Variants in EXOC2 observed in about 807,000 individuals in gnomAD.
EXOC2 encodes exocyst complex component 2.
A neutral mutation model predicts 131.8 loss-of-function variants in EXOC2; 70 were observed. The ratio of observed to expected loss-of-function variants is 0.53; its 90% CI spans 0.44 to 0.65. EXOC2 has a LOEUF of 0.65. EXOC2 is among the 30% of genes least tolerant of loss of function. EXOC2 has a pLI of 0.00. For missense variants in EXOC2, 923 were observed against 1,108.6 expected (o/e 0.83, Z 2.38); for synonymous variants, 411 against 398.4 (o/e 1.03, Z -0.38).
chr6:517,383 A>C (rs1765219179), intron 23 of EXOC2, among the ~76,000 whole-genome samples: 1 of 152,182 alleles, frequency 6.6e-6, no homozygotes, highest in Admixed American at 6.5e-5. Context: ...TCATCAAATT[A>C]TGTTTACATC....
chr6:505,433 T>C (rs1000692323), intron 23 of EXOC2, among the ~76,000 whole-genome samples: 1 of 152,178 alleles, frequency 6.6e-6, no homozygotes, highest in African/African-American at 2.4e-5. Flanking sequence ...CATTACTGAG[T>C]AGTCACCTGG....
At chr6:612,572 T>C (rs1370599004) in intron 6 of EXOC2, among the ~76,000 whole-genome samples, 1 of 152,166 alleles carries the variant, frequency 6.6e-6, no homozygotes, top group Non-Finnish European at 1.5e-5. Flanking sequence ...GTAAAATAAT[T>C]GCAACTATTA....
At chr6:617,661 G>C in intron 6 of EXOC2, 50 bp downstream of exon 6, 1 of 1,589,360 alleles carries the variant, frequency 6.3e-7, no homozygotes, top group African/African-American at 1.3e-5. Context: ...AGGCAGTGCC[G>C]GGTTTCCATG....
At chr6:676,813 T>C (rs1258817222) in intron 1 of EXOC2, among the ~76,000 whole-genome samples, 2 of 93,414 alleles carry the variant, frequency 2.1e-5, no homozygotes, top group Non-Finnish European at 4.9e-5. Flanking sequence ...CTCTTCAACA[T>C]TACGGAAAGG....
intron 23 of EXOC2, among the ~76,000 whole-genome samples, chr6:500,875 C>T (rs1295812441): frequency 4.6e-5 from 7 of 151,614 alleles, no homozygotes; most frequent in Admixed American, 1.3e-4. Flanking sequence ...GAACTATAAT[C>T]AACCTTTTGA....
chr6:536,078 T>C (rs992039244), intron 22 of EXOC2, among the ~76,000 whole-genome samples: 1 of 152,092 alleles, frequency 6.6e-6, no homozygotes, highest in African/African-American at 2.4e-5. Flanking sequence ...ATGGTACAAA[T>C]ATAGAGTGCT....
intron 1 of EXOC2, among the ~76,000 whole-genome samples, chr6:676,013 C>G (rs6907957): frequency 2.0e-5 from 2 of 99,496 alleles, no homozygotes; most frequent in Non-Finnish European, 2.1e-5. Flanking sequence ...GAAAGGACAG[C>G]CTCCTCTGGC....
intron 11 of EXOC2, among the ~76,000 whole-genome samples, chr6:581,574 T>C (rs1758906870): frequency 6.6e-6 from 1 of 152,272 alleles, no homozygotes; most frequent in South Asian, 2.1e-4. Flanking sequence ...CTATGTGATA[T>C]TTGCAGGAAA....
chr6:626,266 T>C (rs1452908818), intron 4 of EXOC2, among the ~76,000 whole-genome samples: 4 of 152,168 alleles, frequency 2.6e-5, no homozygotes, highest in South Asian at 2.1e-4. Flanking sequence ...ATGAAGGGTC[T>C]TAACAGTCAA....
chr6:566,465 A>C (rs1018850831), intron 13 of EXOC2, among the ~76,000 whole-genome samples: 1 of 152,192 alleles, frequency 6.6e-6, no homozygotes, highest in African/African-American at 2.4e-5. Context: ...GCAGTGAGGA[A>C]GGAGGCATGC....
intron 1 of EXOC2, among the ~76,000 whole-genome samples, chr6:668,394 G>A (rs1470751147): frequency 6.6e-6 from 1 of 152,100 alleles, no homozygotes; most frequent in Non-Finnish European, 1.5e-5. Flanking sequence ...TATCCTTCCA[G>A]GTGAAAGAAG....
At chr6:613,926 C>A (rs1581557178) in intron 6 of EXOC2, among the ~76,000 whole-genome samples, 1 of 151,612 alleles carries the variant, frequency 6.6e-6, no homozygotes, top group Non-Finnish European at 1.5e-5. Context: ...AAATAAAAAT[C>A]CTGCCACATG....
chr6:651,537 C>A (rs1261826931), intron 1 of EXOC2, among the ~76,000 whole-genome samples: 1 of 151,764 alleles, frequency 6.6e-6, no homozygotes, highest in Non-Finnish European at 1.5e-5. Context: ...ACCTGTAATC[C>A]CAGCTACTCG....
At chr6:626,145 C>T (rs1189070945) in intron 4 of EXOC2, among the ~76,000 whole-genome samples, 1 of 152,154 alleles carries the variant, frequency 6.6e-6, no homozygotes, top group Admixed American at 6.5e-5. Flanking sequence ...TTTTTACAAG[C>T]AAATCCTAGT....
At chr6:654,616 A>G (rs890505330) in intron 1 of EXOC2, among the ~76,000 whole-genome samples, 1 of 151,886 alleles carries the variant, frequency 6.6e-6, no homozygotes, top group African/African-American at 2.4e-5. Context: ...CCTGGTCAAC[A>G]TAGTGAGACT....
intron 6 of EXOC2, among the ~76,000 whole-genome samples, chr6:614,275 G>A (rs890538685): frequency 9.2e-5 from 14 of 152,084 alleles, no homozygotes; most frequent in African/African-American, 3.1e-4. Flanking sequence ...GATTGAAGTC[G>A]GCCTTGACCA....
At chr6:656,920 C>G in intron 1 of EXOC2, 1 of 1,535,138 alleles carries the variant, frequency 6.5e-7, no homozygotes, top group Non-Finnish European at 8.8e-7. Flanking sequence ...CAGCCTTTGC[C>G]GGTGATCTTG....
chr6:634,128 T>G (rs1400251348), intron 2 of EXOC2, among the ~76,000 whole-genome samples: 1 of 152,066 alleles, frequency 6.6e-6, no homozygotes, highest in East Asian at 1.9e-4. Flanking sequence ...TGCAGTGGCG[T>G]GATCTTGGCT....
intron 1 of EXOC2, chr6:669,951 A>C (rs6901557): frequency 0.62 from 93,626 of 152,026 alleles, 29,134 homozygotes; most frequent in East Asian, 0.79. Flanking sequence ...GCAGGAATTT[A>C]TTTAGGTGTT....
Sources: gnomAD v4.1 joint callset for allele counts (sites outside exome capture counted in the v4.1 genomes callset) on GRCh38, gnomAD v4.1.1 for gene constraint, MANE v1.5 for transcripts, NCBI Gene and HGNC (gene_info 2026-07-23, HGNC 2026-07-21) for gene names.